The following FOXP1 variants were observed in gnomAD, a reference collection of about 807,000 sequenced individuals.
The protein encoded by FOXP1 is forkhead box protein P1.
In FOXP1, 15 loss-of-function variants were observed where a neutral mutation model predicts 98.2. That is an observed-to-expected ratio of 0.15 (90% CI 0.10 to 0.24). The LOEUF (loss-of-function observed/expected upper bound fraction) is 0.24, where lower values mean the gene tolerates loss of function less well. Ranked by LOEUF, FOXP1 falls within the 10% of genes least tolerant of loss-of-function variation. The pLI is 1.00. For synonymous variants in FOXP1, 371 were observed against 314.5 expected (o/e 1.18, Z -1.90); for missense variants, 633 against 848.5 (o/e 0.75, Z 3.15).
intron 2 of FOXP1, among the ~76,000 whole-genome samples, chr3:71,517,464 T>C (rs1403636516): frequency 3.9e-5 from 6 of 152,218 alleles, no homozygotes; most frequent in African/African-American, 1.4e-4. Context: ...TACCACTTTA[T>C]TAACTGTCAG....
chr3:71,525,854 G>A (rs1248082553), intron 2 of FOXP1, among the ~76,000 whole-genome samples: 2 of 151,968 alleles, frequency 1.3e-5, no homozygotes, highest in East Asian at 3.9e-4. Flanking sequence ...AGTGGCTCAC[G>A]CTTGTAATCC....
At chr3:71,014,327 C>T (rs1181007327) in intron 12 of FOXP1, among the ~76,000 whole-genome samples, 9 of 152,138 alleles carry the variant, frequency 5.9e-5, no homozygotes, top group East Asian at 1.9e-4. Context: ...AAAAAGTGGG[C>T]GAAGGATATG....
chr3:71,542,252 G>A (rs1234803419), intron 2 of FOXP1, among the ~76,000 whole-genome samples: 1 of 152,154 alleles, frequency 6.6e-6, no homozygotes, highest in African/African-American at 2.4e-5. Flanking sequence ...CAACACCATA[G>A]GTCTTTTTAG....
chr3:70,979,313 A>AAAAAAAAG (rs2038327524), intron 14 of FOXP1, among the ~76,000 whole-genome samples: 1 of 149,178 alleles, frequency 6.7e-6, no homozygotes, highest in Non-Finnish European at 1.5e-5. Flanking sequence ...AAAAAAAAAA[A>AAAAAAAAG]AAAAAAAGAA....
In FOXP1 at chr3:71,509,698, A is replaced by G. The variant is rs1577924476; in HGVS notation, c.-297-16143T>C. 2.0e-5 allele frequency among the ~76,000 whole-genome samples: 3 copies of G among 152,310 alleles called. No individual in the cohort carries two copies. In the South Asian group the frequency reaches 6.2e-4, roughly 32 times the overall value. ...GGAGTTCAAGACCAGCCTGGGCAACATAAAGAAGCCTCTGTCTCTACAAAA... is the reference window on the plus strand; with the variant it reads ...GGAGTTCAAGACCAGCCTGGGCAACGTAAAGAAGCCTCTGTCTCTACAAAA... On this transcript the variant is annotated intron_variant, in intron 2 of 20. Coordinates refer to ENST00000649528, the MANE Select transcript of FOXP1 (RefSeq NM_001349338.3).
intron 7 of FOXP1, among the ~76,000 whole-genome samples, chr3:71,059,006 G>A (rs1342332697): frequency 6.6e-6 from 1 of 151,976 alleles, no homozygotes; most frequent in Non-Finnish European, 1.5e-5. Context: ...ACTGTACAAA[G>A]CACTAAGGCA....
chr3:71,383,002 G>A (rs922514277), intron 3 of FOXP1, among the ~76,000 whole-genome samples: 8 of 152,210 alleles, frequency 5.3e-5, no homozygotes, highest in Non-Finnish European at 7.3e-5. Flanking sequence ...CAATAAGGGT[G>A]CACTTCAAGC....
At chr3:71,269,075 C>A (rs2070051866) in intron 5 of FOXP1, among the ~76,000 whole-genome samples, 1 of 151,198 alleles carries the variant, frequency 6.6e-6, no homozygotes, top group East Asian at 1.9e-4. Context: ...GGACTCACAG[C>A]TACTCAGAGT....
chr3:71,186,314 T>G (rs1358251509), intron 6 of FOXP1, among the ~76,000 whole-genome samples: 1 of 152,180 alleles, frequency 6.6e-6, no homozygotes, highest in Non-Finnish European at 1.5e-5. Flanking sequence ...ACTTTTATCT[T>G]GTAAGATGCT....
chr3:70,958,981 A>G lies in FOXP1; in HGVS notation c.*266T>C, dbSNP rs770257890. The G allele has an allele frequency of 8.7e-6, 4 of 462,126 alleles. No individual in the cohort carries two copies. In the East Asian group the frequency reaches 1.2e-4, roughly 13 times the overall value. The allele number at this position is 462,126 out of a possible 1,614,324, so 28.6% of individuals were successfully genotyped here. A position where few individuals can be genotyped will look rare whatever the true frequency, so the allele number is the denominator to read the frequency against. ...TACAACACTGATGTTGACGGTTAAG[A>G]GAGGAAAATCCCAAGTACCAAACAA... On this transcript the variant is annotated 3_prime_UTR_variant, in exon 21 of 21. Coordinates refer to ENST00000649528, the MANE Select transcript of FOXP1 (RefSeq NM_001349338.3).
chr3:70,979,794 G>A (rs1053759086), intron 14 of FOXP1, among the ~76,000 whole-genome samples: 4 of 149,232 alleles, frequency 2.7e-5, no homozygotes, highest in African/African-American at 7.4e-5. Context: ...AAAAAAAAAA[G>A]GGAGGGGGGC....
intron 6 of FOXP1, among the ~76,000 whole-genome samples, chr3:71,180,992 C>T (rs4677029): frequency 0.46 from 69,783 of 151,930 alleles, 16,958 homozygotes; most frequent in African/African-American, 0.61. Flanking sequence ...ACTAATTGCC[C>T]ACAAGAACCG....
intron 3 of FOXP1, among the ~76,000 whole-genome samples, chr3:71,460,539 G>C (rs1164373195): frequency 6.6e-6 from 1 of 151,342 alleles, no homozygotes; most frequent in East Asian, 1.9e-4. Flanking sequence ...CGAGTTCAAG[G>C]AATTCTCTTG....
chr3:71,242,980 G>A (rs2067414213), intron 5 of FOXP1, among the ~76,000 whole-genome samples: 2 of 152,082 alleles, frequency 1.3e-5, no homozygotes, highest in South Asian at 4.1e-4. Context: ...AACTAATGAT[G>A]AACCTCATTA....
intron 7 of FOXP1, among the ~76,000 whole-genome samples, chr3:71,061,527 AATTT>A (rs920150790): frequency 2.0e-5 from 3 of 152,168 alleles, no homozygotes; most frequent in South Asian, 2.1e-4. Context: ...CAAGCGTTAT[AATTT>A]ATTATACCTT....
chr3:71,146,345 T>C (rs2060305415), intron 6 of FOXP1, among the ~76,000 whole-genome samples: 1 of 152,092 alleles, frequency 6.6e-6, no homozygotes, highest in South Asian at 2.1e-4. Flanking sequence ...AAAAATGACT[T>C]AGCAATACCA....
chr3:71,128,719 A>AG (rs891123722), intron 6 of FOXP1, among the ~76,000 whole-genome samples: 20 of 152,284 alleles, frequency 1.3e-4, no homozygotes, highest in African/African-American at 4.3e-4. Flanking sequence ...CGAACTACTG[A>AG]GGCAGACATT....
At chr3:71,542,125 T>C (rs925412714) in intron 2 of FOXP1, 2 of 465,702 alleles carry the variant, frequency 4.3e-6, no homozygotes, top group Non-Finnish European at 8.8e-6. Context: ...ATTAAAATAA[T>C]TTACAAAATG....
chr3:71,480,970 G>C (rs551365313), intron 3 of FOXP1, among the ~76,000 whole-genome samples: 3 of 152,160 alleles, frequency 2.0e-5, no homozygotes, highest in African/African-American at 4.8e-5. Context: ...GTATAAGGAA[G>C]GGCAGGCAAT....
Sources: allele counts gnomAD v4.1 joint callset (sites outside exome capture counted in the v4.1 genomes callset), GRCh38; gene constraint gnomAD v4.1.1; transcripts MANE v1.5; gene names NCBI Gene and HGNC (gene_info 2026-07-23, HGNC 2026-07-21).